STAT5B: variants seen among roughly 807,000 people sequenced by gnomAD.
The protein encoded by STAT5B is signal transducer and activator of transcription 5B, also known as transcription factor STAT5B.
In STAT5B, 21 loss-of-function variants were observed where a neutral mutation model predicts 107.8. The ratio of observed to expected loss-of-function variants is 0.19; its 90% CI spans 0.14 to 0.28. STAT5B has a LOEUF of 0.28. Ranked by LOEUF, STAT5B falls within the 10% of genes least tolerant of loss-of-function variation. The pLI, the probability that STAT5B is intolerant of heterozygous loss-of-function variation, is 1.00. For synonymous variants in STAT5B, 325 were observed against 401.7 expected (o/e 0.81, Z 2.28); for missense variants, 565 against 1,008.2 (o/e 0.56, Z 5.95).
At chr17:42,267,820 G>A (rs1451515204) in intron 1 of STAT5B, among the ~76,000 whole-genome samples, 9 of 151,950 alleles carry the variant, frequency 5.9e-5, no homozygotes, top group South Asian at 4.2e-4. Flanking sequence ...TTAGCCAGGC[G>A]TGGTGGCACA....
In STAT5B at chr17:42,232,128, G is replaced by C; in HGVS notation, c.-1C>G. 6.2e-7 allele frequency: 1 copy of C among 1,613,788 alleles called. No individual in the cohort carries two copies. The highest frequency in any genetic ancestry group is 8.5e-7 in the Non-Finnish European group (1 of 1,179,908). On this transcript the variant is annotated 5_prime_UTR_variant, in exon 2 of 19. Transcript: ENST00000293328. ...GCTGAGCTTGTATCCACACAGCCAT[G>C]GTTTACAATCTGTTGAACAAACAAT... is the stretch of plus-strand genomic sequence containing the variant.
chr17:42,218,324 G>A lies in STAT5B; in HGVS notation c.996C>T (p.Phe332=), dbSNP rs1017541480. The A allele has an allele frequency of 6.2e-7, 1 of 1,613,660 alleles. No individual in the cohort carries two copies. Among genetic ancestry groups the A allele is most frequent in the South Asian group, 1.1e-5 (1 of 91,048 alleles). Residue 332 remains phenylalanine, a synonymous_variant, in exon 9 of 19, where the codon TTC becomes TTT. Transcript: ENST00000293328. ...CCTGAGGAGGCTGCTTCTCAATGAT[G>A]AACGTGCTGCAGGGGACACAGGGAC... is the stretch of plus-strand genomic sequence containing the variant. ...DIISALVTST[F]IIEKQPPQVL...
At chr17:42,202,472 T>G in intron 17 of STAT5B, 25 bp from the exon 18 acceptor site, 1 of 1,612,662 alleles carries the variant, frequency 6.2e-7, no homozygotes, top group Non-Finnish European at 8.5e-7. Context: ...GAACAGAGCT[T>G]CAGCTGCCAG....
chr17:42,255,503 G>C (rs2080535163), intron 1 of STAT5B, among the ~76,000 whole-genome samples: 1 of 152,158 alleles, frequency 6.6e-6, no homozygotes, highest in South Asian at 2.1e-4. Flanking sequence ...AAGAAAAACT[G>C]TGAAGTCTCC....
chr17:42,262,997 TATATATATATATATATATAAA>T (rs2080628943), intron 1 of STAT5B, among the ~76,000 whole-genome samples: 2 of 64,362 alleles, frequency 3.1e-5, no homozygotes, highest in African/African-American at 8.5e-5. Flanking sequence ...TATATATATA[TATATATATATATATATATAAA>T]AAAACAAAAA....
chr17:42,268,801 AT>A (rs747258019), intron 1 of STAT5B: 61 of 152,276 alleles, frequency 4.0e-4, no homozygotes, highest in Middle Eastern at 6.8e-3. Context: ...TGACCAAAAG[AT>A]TTTTAGAAAC....
chr17:42,204,520 C>T (rs763626132), intron 16 of STAT5B, among the ~76,000 whole-genome samples: 1 of 152,180 alleles, frequency 6.6e-6, no homozygotes, highest in Non-Finnish European at 1.5e-5. Flanking sequence ...GTGTCAGGAG[C>T]GACCTTTTCA....
upstream of STAT5B, among the ~76,000 whole-genome samples, chr17:42,279,803 GAAAA>G (rs756565375): frequency 7.8e-6 from 1 of 127,450 alleles, no homozygotes; most frequent in Non-Finnish European, 1.7e-5. Context: ...CTCCATCTCA[GAAAA>G]AAAAAAAAAA....
chr17:42,219,227 T>G, intron 7 of STAT5B, 85 bp downstream of exon 7: 1 of 1,510,598 alleles, frequency 6.6e-7, no homozygotes, highest in South Asian at 1.3e-5. Flanking sequence ...GGGGGCCTGC[T>G]GCAGGAGCCA....
chr17:42,217,718 T>C (rs1356598163), intron 9 of STAT5B: 2 of 518,654 alleles, frequency 3.9e-6, no homozygotes, highest in Non-Finnish European at 3.4e-6. Flanking sequence ...GACGGAGTTT[T>C]GCTCTTGTTG....
At chr17:42,242,770 C>G (rs1464229677) in intron 1 of STAT5B, among the ~76,000 whole-genome samples, 1 of 152,224 alleles carries the variant, frequency 6.6e-6, no homozygotes, top group Middle Eastern at 3.4e-3. Flanking sequence ...GCATTCGAGA[C>G]CAGCCTGGCC....
chr17:42,202,075 A>G, intron 18 of STAT5B: 1 of 636,950 alleles, frequency 1.6e-6, no homozygotes, highest in Non-Finnish European at 2.8e-6. Flanking sequence ...CTGTCCAGAC[A>G]CATCACAACT....
chr17:42,218,466 T>C (rs2444571), intron 8 of STAT5B, 136 bp from the exon 9 acceptor site: 65 of 1,444,244 alleles, frequency 4.5e-5, no homozygotes, highest in African/African-American at 3.4e-4. Flanking sequence ...CCTCTGTTCC[T>C]GGGGAAGCCG....
rs549059091 is a variant in STAT5B, at chr17:42,232,294, G to A, written c.-10-157C>T. On this transcript the variant is annotated intron_variant, in intron 1 of 18. Transcript: ENST00000293328. ...GAGACAGTCTCGCTCTGCCACCCAA[G>A]CTGGAGTGCAGTGGCACAATCTTGG... is the stretch of plus-strand genomic sequence containing the variant. Among the ~76,000 whole-genome samples the A allele has an allele frequency of 6.6e-5, 10 of 152,102 alleles. No individual in the cohort carries two copies. In the East Asian group the frequency reaches 1.7e-3, roughly 26 times the overall value.
Position 42,256,810 on chromosome 17 carries a change from G to A in STAT5B, c.-11+19438C>T, listed in dbSNP as rs566172407. ...CCAGGAAGCAGAGCGTGCAGTGAACGGAGATTGCGCCACTGCACTCCAGCC... is the reference window on the plus strand; with the variant it reads ...CCAGGAAGCAGAGCGTGCAGTGAACAGAGATTGCGCCACTGCACTCCAGCC... On this transcript the variant is annotated intron_variant, in intron 1 of 18. Transcript: ENST00000293328. Among the ~76,000 whole-genome samples, 450 of 137,568 alleles carry A rather than the reference G, an allele frequency of 3.3e-3. 1 individual carries two copies. The highest frequency in any genetic ancestry group is 4.3e-3 in the Non-Finnish European group (286 of 66,280). 90.2% of individuals were successfully genotyped at this position (137,568 alleles called of 152,430 possible).
At chr17:42,232,174 C>A in intron 1 of STAT5B, 37 bp from the exon 2 acceptor site, 3 of 1,604,574 alleles carry the variant, frequency 1.9e-6, no homozygotes, top group East Asian at 2.3e-5. Flanking sequence ...GGCGTTTTTT[C>A]TTTATTTTCC....
chr17:42,214,236 T>C (rs2080153230), intron 12 of STAT5B: 1 of 985,020 alleles, frequency 1.0e-6, no homozygotes, highest in African/African-American at 1.7e-5. Context: ...GACAAGATAC[T>C]TGAGTAATTA....
intron 3 of STAT5B, among the ~76,000 whole-genome samples, chr17:42,225,263 C>T (rs1293140999): frequency 6.6e-6 from 1 of 152,112 alleles, no homozygotes; most frequent in Non-Finnish European, 1.5e-5. Context: ...CCATGTTGGC[C>T]AGGCTGGTCT....
At position 42,222,926 on chromosome 17, in the gene STAT5B, C is replaced by T. The variant is rs191238704; in HGVS notation, c.550+456G>A. ...CTCGAACTCCTGACCTCAGGTGATCCGCCTGCCTCAGCCTCCCAAAGTGCT... is the reference window on the plus strand; with the variant it reads ...CTCGAACTCCTGACCTCAGGTGATCTGCCTGCCTCAGCCTCCCAAAGTGCT... On this transcript the variant is annotated intron_variant, in intron 5 of 18. Coordinates refer to ENST00000293328, the MANE Select transcript of STAT5B (RefSeq NM_012448.4). 7.2e-5 allele frequency among the ~76,000 whole-genome samples: 11 copies of T among 152,100 alleles called. No individual in the cohort carries two copies. In the East Asian group the frequency reaches 1.9e-3, roughly 27 times the overall value.
Sources: allele counts gnomAD v4.1 joint callset (sites outside exome capture counted in the v4.1 genomes callset), GRCh38; gene constraint gnomAD v4.1.1; transcripts MANE v1.5; gene names NCBI Gene and HGNC (gene_info 2026-07-23, HGNC 2026-07-21).